Variants in TGFBI observed in about 807,000 individuals in gnomAD.
The protein encoded by TGFBI is transforming growth factor beta induced.
In TGFBI, 50 loss-of-function variants were observed where a neutral mutation model predicts 73.7. That is an observed-to-expected ratio of 0.68 (90% confidence interval 0.54 to 0.86). The LOEUF (loss-of-function observed/expected upper bound fraction) is 0.86, where lower values mean the gene tolerates loss of function less well. Among genes scored for constraint, TGFBI ranks in the 40% least tolerant of loss-of-function variants. The probability of loss-of-function intolerance (pLI) is 0.00; values close to 1 mark genes in which losing one functional copy is unlikely to be tolerated. For synonymous variants in TGFBI, 362 were observed against 360.5 expected, an observed-to-expected ratio of 1.00 and a Z score of -0.05; for missense variants, 839 against 877.0, an observed-to-expected ratio of 0.96 and a Z score of 0.55.
rs754237763 is a variant in TGFBI at position 136,052,908 on chromosome 5, C to G, written c.915C>G (p.Asp305Glu). 6.2e-7 allele frequency: 1 copy of G among 1,613,508 alleles called. No individual in the cohort carries two copies. Among genetic ancestry groups the G allele is most frequent in the South Asian group, 1.1e-5 (1 of 91,054 alleles). The change falls in exon 8 of 17, where the codon GAC (aspartate) becomes GAG (glutamate). Residue 305 changes from aspartate (D) to glutamate (E), a missense_variant and splice_region_variant. Transcript: ENST00000442011. ...RILGDPEALR[D>E]LLNNHILKSA... ...GACCTGAGTCTGTTTGGACCCCAGA[C>G]CTGCTGAACAACCACATCTTGAAGT... is the stretch of plus-strand genomic sequence containing the variant.
chr5:136,038,948 A>G (rs568156970), intron 2 of TGFBI, among the ~76,000 whole-genome samples: 40 of 152,302 alleles, frequency 2.6e-4, no homozygotes, highest in African/African-American at 7.7e-4. Flanking sequence ...TTGTAAGATA[A>G]TTTGCATGAT....
At chr5:136,049,234 G>A in intron 6 of TGFBI, 1 of 567,578 alleles carries the variant, frequency 1.8e-6, no homozygotes, top group Non-Finnish European at 3.1e-6. Flanking sequence ...GGACATGAAA[G>A]ATGGCCAGGC....
At chr5:136,061,889 C>A (rs1178921463) in intron 15 of TGFBI, among the ~76,000 whole-genome samples, 1 of 152,246 alleles carries the variant, frequency 6.6e-6, no homozygotes, top group Non-Finnish European at 1.5e-5. Flanking sequence ...CCCAAGAGGG[C>A]AGCCCATCCC....
At chr5:136,052,782 C>T in intron 7 of TGFBI, 125 bp from the exon 8 acceptor site, 1 of 946,852 alleles carries the variant, frequency 1.1e-6, no homozygotes. Flanking sequence ...CCTGTGGTGC[C>T]CCAGCCTCAT....
At chr5:136,033,011 G>C (rs1228538330) in intron 1 of TGFBI, among the ~76,000 whole-genome samples, 1 of 152,088 alleles carries the variant, frequency 6.6e-6, no homozygotes, top group East Asian at 1.9e-4. Context: ...TTCATTTCGT[G>C]CTCCTTCTAC....
chr5:136,061,228 G>A (rs1482337196), intron 14 of TGFBI: 14 of 575,360 alleles, frequency 2.4e-5, no homozygotes, highest in Non-Finnish European at 3.4e-5. Flanking sequence ...GCGATTCCCA[G>A]CACTCCTCTT....
chr5:136,031,627 A>G (rs1368680820), intron 1 of TGFBI, among the ~76,000 whole-genome samples: 4 of 152,238 alleles, frequency 2.6e-5, no homozygotes, highest in African/African-American at 9.6e-5. Context: ...CTGTGTTGCT[A>G]TAGGGAAGGG....
At chr5:136,059,253 C>A in intron 13 of TGFBI, 39 bp downstream of exon 13, 1 of 1,600,904 alleles carries the variant, frequency 6.2e-7, no homozygotes, top group South Asian at 1.1e-5. Flanking sequence ...TAAATTTCCC[C>A]AGGGCAGGGC....
At position 136,029,051 on chromosome 5, in the gene TGFBI, G is replaced by A; in HGVS notation, c.-5G>A. 1 of 1,525,792 alleles carries A rather than the reference G, an allele frequency of 6.6e-7. No individual in the cohort carries two copies. Among genetic ancestry groups the A allele is most frequent in the Non-Finnish European group, 8.7e-7 (1 of 1,143,438 alleles). 94.5% of individuals were successfully genotyped at this position (1,525,792 alleles called of 1,614,324 possible). ...TAGCTCGCTCGGTGCGCGTCGTCCC[G>A]CTCCATGGCGCTCTTCGTGCGGCTG... On this transcript the variant is annotated 5_prime_UTR_variant, in exon 1 of 17. Transcript: ENST00000442011.
intron 2 of TGFBI, among the ~76,000 whole-genome samples, chr5:136,037,533 A>G (rs1751249945): frequency 6.6e-6 from 1 of 152,228 alleles, no homozygotes; most frequent in Non-Finnish European, 1.5e-5. Flanking sequence ...ATGGGACTGG[A>G]ATAGTCATAG....
chr5:136,049,590 C>T lies in TGFBI; in HGVS notation c.913+10C>T, dbSNP rs749570216. Reference sequence around the variant, plus strand: ...CCAGAAGCCCTGAGAGGTGAGCATCCTTTGGCTCCTGCTGCTGCCTCATTT... The same window carrying T: ...CCAGAAGCCCTGAGAGGTGAGCATCTTTTGGCTCCTGCTGCTGCCTCATTT... On this transcript the variant is annotated intron_variant, in intron 7 of 16. Coordinates refer to ENST00000442011, the MANE Select transcript of TGFBI (RefSeq NM_000358.3). 1 of 1,611,168 alleles carries T rather than the reference C, an allele frequency of 6.2e-7. No individual in the cohort carries two copies. Among genetic ancestry groups the T allele is most frequent in the East Asian group, 2.2e-5 (1 of 44,796 alleles).
At position 136,054,085 on chromosome 5, in the gene TGFBI, C is replaced by T. The variant is rs773684013; in HGVS notation, c.1264+5C>T. On this transcript the variant is annotated splice_donor_5th_base_variant and intron_variant, in intron 9 of 16. Coordinates refer to ENST00000442011, the MANE Select transcript of TGFBI (RefSeq NM_000358.3). Reference sequence around the variant, plus strand: ...CCCTGAATTCTGTATTCAAAGGTAACATGGGGAAGGCATCCCTGTTAGATT... The same window carrying T: ...CCCTGAATTCTGTATTCAAAGGTAATATGGGGAAGGCATCCCTGTTAGATT... 3.7e-6 allele frequency: 6 copies of T among 1,611,402 alleles called. No individual in the cohort carries two copies. The highest frequency in any genetic ancestry group is 1.3e-5 in the African/African-American group (1 of 74,840).
intron 1 of TGFBI, among the ~76,000 whole-genome samples, chr5:136,033,343 G>T (rs1021754809): frequency 7.9e-5 from 12 of 152,110 alleles, no homozygotes; most frequent in Admixed American, 1.3e-4. Flanking sequence ...ACCAGCCATG[G>T]TTTAAACCAG....
intron 3 of TGFBI, 71 bp downstream of exon 3, chr5:136,044,193 A>G: frequency 7.4e-7 from 1 of 1,345,178 alleles, no homozygotes; most frequent in Non-Finnish European, 1.1e-6. Context: ...GAGTACCCAC[A>G]TAAAAGGCAG....
At chr5:136,041,521 G>A (rs562905401) in intron 2 of TGFBI, among the ~76,000 whole-genome samples, 5 of 152,260 alleles carry the variant, frequency 3.3e-5, no homozygotes, top group East Asian at 1.9e-4. Context: ...TCCTCCAAAC[G>A]TGCATTTTCA....
chr5:136,063,188 CCT>C lies in TGFBI; in HGVS notation c.2015_2016del (p.Pro672ArgfsTer14). 2 of 1,613,620 alleles carry C rather than the reference CCT, an allele frequency of 1.2e-6. No homozygotes were observed. Among genetic ancestry groups the C allele is most frequent in the East Asian group, 2.2e-5 (1 of 44,878 alleles). ...CGTTACCAACTTCTCTTTTTCAGCC[CCT>C]GTCTATCAAAAGTTATTAGAGAGGA... Reference protein sequence around the residue: ...RASQRSVRLAPVYQKLLERMK... With the variant: ...RASQRSVRLAXVYQKLLERMK... On this transcript the variant is annotated frameshift_variant, in exon 17 of 17. Transcript: ENST00000442011. LOFTEE classifies it high-confidence loss of function.
intron 14 of TGFBI, 88 bp from the exon 15 acceptor site, chr5:136,061,412 G>T (rs1039025959): frequency 6.6e-6 from 6 of 907,118 alleles, no homozygotes; most frequent in African/African-American, 1.7e-5. Flanking sequence ...GAGCCAGAAA[G>T]CCCACCAGTG....
At chr5:136,055,053 A>G (rs571850531) in intron 10 of TGFBI, 192 bp downstream of exon 10, 17 of 683,240 alleles carry the variant, frequency 2.5e-5, no homozygotes, top group Middle Eastern at 8.4e-4. Flanking sequence ...CTTTTTCTGG[A>G]GGCCTTTGAG....
Position 136,033,866 on chromosome 5 carries a change from G to A in TGFBI, c.233+5G>A. 6.2e-7 allele frequency: 1 copy of A among 1,612,690 alleles called. No homozygotes were observed. The highest frequency in any genetic ancestry group is 8.5e-7 in the Non-Finnish European group (1 of 1,179,080). ...GAAAATCTGTGGCAAATCAACGTGA[G>A]TATCTGTAACCAGCCAGGAGACCAA... On this transcript the variant is annotated splice_donor_5th_base_variant and intron_variant, in intron 2 of 16. Coordinates refer to ENST00000442011, the MANE Select transcript of TGFBI (RefSeq NM_000358.3).
Sources: gnomAD v4.1 joint callset for allele counts (sites outside exome capture counted in the v4.1 genomes callset) on GRCh38, gnomAD v4.1.1 for gene constraint, MANE v1.5 for transcripts, NCBI Gene and HGNC (gene_info 2026-07-23, HGNC 2026-07-21) for gene names.